Variants in ZNF808 observed in about 807,000 individuals in gnomAD.
The protein encoded by ZNF808 is zinc finger protein 808.
ZNF808 carries 5 observed loss-of-function variants against 8.7 expected under a neutral mutation model. The ratio of observed to expected loss-of-function variants is 0.58; its 90% CI spans 0.30 to 1.21. The LOEUF is 1.21. Among genes scored for constraint, ZNF808 ranks in the 50% most tolerant of loss-of-function variants. The pLI, the probability that ZNF808 is intolerant of heterozygous loss-of-function variation, is 0.07. For synonymous variants in ZNF808, 380 were observed against 366.0 expected (o/e 1.04, Z -0.44); for missense variants, 1,103 against 1,098.4 (o/e 1.00, Z -0.06).
chr19:52,550,022 A>T (rs326448), intron 4 of ZNF808, among the ~76,000 whole-genome samples: 60,238 of 151,944 alleles, frequency 0.4, 14,500 homozygotes, highest in African/African-American at 0.66. Flanking sequence ...ATGTACTTCT[A>T]TCTGTTCTCC....
chr19:52,564,296 C>T (rs774758728), exon 4 of ZNF808: 1 of 660,600 alleles, frequency 1.5e-6, no homozygotes, highest in Non-Finnish European at 2.6e-6. Flanking sequence ...GTTACTTAAG[C>T]TGAAAATGTC....
chr19:52,548,895 A>C (rs565963173), intron 4 of ZNF808, among the ~76,000 whole-genome samples: 1 of 152,164 alleles, frequency 6.6e-6, no homozygotes, highest in African/African-American at 2.4e-5. Context: ...AGGTGGGTGA[A>C]TCACCTGAGG....
chr19:52,547,133 A>G (rs1456801454), intron 3 of ZNF808, among the ~76,000 whole-genome samples: 5 of 151,768 alleles, frequency 3.3e-5, no homozygotes, highest in Non-Finnish European at 1.5e-5. Context: ...TTTTTAGTAG[A>G]GACAGGTTTT....
chr19:52,536,776 G>T (rs889318035), intron 2 of ZNF808, among the ~76,000 whole-genome samples: 7 of 152,146 alleles, frequency 4.6e-5, no homozygotes, highest in Admixed American at 1.3e-4. Context: ...GTGGGGACAG[G>T]GGGGCGTAAC....
chr19:52,561,208 CTCTCTATA>C (rs1256853087), downstream of ZNF808, among the ~76,000 whole-genome samples: 865 of 32,036 alleles, frequency 0.027, 3 homozygotes, highest in Non-Finnish European at 0.037. Context: ...CTCTCTCTCT[CTCTCTATA>C]TATATATATA....
chr19:52,539,135 T>C (rs1463386080), intron 2 of ZNF808, among the ~76,000 whole-genome samples: 13 of 152,148 alleles, frequency 8.5e-5, no homozygotes, highest in African/African-American at 2.2e-4. Context: ...AAAGTGCTTT[T>C]GTTCTCTTTT....
intron 4 of ZNF808, among the ~76,000 whole-genome samples, chr19:52,552,092 A>G (rs1471142767): frequency 6.6e-6 from 1 of 151,240 alleles, no homozygotes; most frequent in Non-Finnish European, 1.5e-5. Context: ...ATCTCAGATC[A>G]CTGCAAAGTC....
intron 2 of ZNF808, among the ~76,000 whole-genome samples, chr19:52,537,275 G>C (rs1286934939): frequency 2.6e-5 from 4 of 152,066 alleles, no homozygotes; most frequent in Non-Finnish European, 5.9e-5. Flanking sequence ...AATAGCAGGA[G>C]AGTAGAGGGG....
In ZNF808 at chr19:52,555,703, A is replaced by G. The variant is rs2059830373; in HGVS notation, c.*75A>G. On this transcript the variant is annotated 3_prime_UTR_variant, in exon 5 of 5. Coordinates refer to ENST00000359798, the MANE Select transcript of ZNF808 (RefSeq NM_001039886.4). Reference sequence around the variant, plus strand: ...ATTGGAGAATCCATGATGAAGAGAAATCTTCTGAGTGTAATAAATGTGGCA... The same window carrying G: ...ATTGGAGAATCCATGATGAAGAGAAGTCTTCTGAGTGTAATAAATGTGGCA... 1 of 1,544,112 alleles carries G rather than the reference A, an allele frequency of 6.5e-7. No individual in the cohort carries two copies. The highest frequency in any genetic ancestry group is 8.8e-7 in the Non-Finnish European group (1 of 1,141,344).
intron 2 of ZNF808, among the ~76,000 whole-genome samples, chr19:52,539,866 T>C (rs1200202713): frequency 3.3e-5 from 5 of 151,866 alleles, no homozygotes; most frequent in African/African-American, 1.2e-4. Context: ...GTTATTGTTT[T>C]GAGACACTTT....
intron 2 of ZNF808, among the ~76,000 whole-genome samples, chr19:52,536,307 G>C (rs931660480): frequency 1.3e-5 from 2 of 152,110 alleles, no homozygotes; most frequent in African/African-American, 4.8e-5. Flanking sequence ...TCAAAACCCT[G>C]TGCTGACTCC....
intron 3 of ZNF808, among the ~76,000 whole-genome samples, chr19:52,562,139 A>T (rs1349791457): frequency 6.6e-6 from 1 of 152,114 alleles, no homozygotes; most frequent in Non-Finnish European, 1.5e-5. Flanking sequence ...GCACTTTGGG[A>T]GGCTGAGACT....
intron 4 of ZNF808, among the ~76,000 whole-genome samples, 183 bp from the exon 5 acceptor site, chr19:52,552,924 T>C (rs1409147673): frequency 6.6e-6 from 1 of 152,208 alleles, no homozygotes; most frequent in Non-Finnish European, 1.5e-5. Context: ...ATAGAATTGA[T>C]TTGAAGGACA....
chr19:52,545,198 G>A (rs1157761539), intron 3 of ZNF808, among the ~76,000 whole-genome samples: 2 of 151,932 alleles, frequency 1.3e-5, no homozygotes, highest in Non-Finnish European at 2.9e-5. Flanking sequence ...GTTTTGAGTT[G>A]AGTCTCTGTT....
At chr19:52,529,206 A>G (rs2059538723) in intron 1 of ZNF808, among the ~76,000 whole-genome samples, 1 of 146,968 alleles carries the variant, frequency 6.8e-6, no homozygotes, top group Admixed American at 6.7e-5. Context: ...TGAGACCCCT[A>G]TCTCTGCCAA....
chr19:52,541,442 A>G (rs937563075), intron 2 of ZNF808, among the ~76,000 whole-genome samples: 4 of 151,996 alleles, frequency 2.6e-5, no homozygotes, highest in African/African-American at 7.3e-5. Context: ...TCACATGGGA[A>G]TCAGCCACAT....
At chr19:52,567,684 C>T (rs907455383), downstream of ZNF808, among the ~76,000 whole-genome samples, 2 of 151,640 alleles carry the variant, frequency 1.3e-5, no homozygotes, top group Non-Finnish European at 2.9e-5. Flanking sequence ...GCCACCACTC[C>T]AGGCTAATTT....
chr19:52,547,738 G>GA (rs1568485804), intron 4 of ZNF808, 100 bp downstream of exon 4: 2 of 1,259,910 alleles, frequency 1.6e-6, no homozygotes, highest in Non-Finnish European at 2.0e-6. Flanking sequence ...CATCCATGCT[G>GA]GTTTTTTTTT....
At chr19:52,546,552 C>T (rs536657021) in intron 3 of ZNF808, among the ~76,000 whole-genome samples, 12 of 152,006 alleles carry the variant, frequency 7.9e-5, no homozygotes, top group African/African-American at 2.2e-4. Context: ...TCTGAAACAC[C>T]GCTTGTATCT....
Sources: gnomAD v4.1 joint callset for allele counts (sites outside exome capture counted in the v4.1 genomes callset) on GRCh38, gnomAD v4.1.1 for gene constraint, MANE v1.5 for transcripts, NCBI Gene and HGNC (gene_info 2026-07-23, HGNC 2026-07-21) for gene names.